Variants in ARAP1 observed in about 807,000 individuals in gnomAD.
ARAP1 encodes arf-GAP with Rho-GAP domain, ANK repeat and PH domain-containing protein 1.
Under a neutral mutation model 172.2 loss-of-function variants are expected in ARAP1, and 76 were observed. The observed-to-expected ratio is 0.44, with a 90% CI of 0.37 to 0.53. ARAP1 has a LOEUF of 0.53. Ranked by LOEUF, ARAP1 falls within the 20% of genes least tolerant of loss-of-function variation. The probability of loss-of-function intolerance (pLI) is 0.00; values close to 1 mark genes in which losing one functional copy is unlikely to be tolerated. For synonymous variants in ARAP1, 804 were observed against 803.3 expected, an observed-to-expected ratio of 1.00 and a Z score of -0.01; for missense variants, 1,686 against 1,977.5, an observed-to-expected ratio of 0.85 and a Z score of 2.80.
intron 1 of ARAP1, among the ~76,000 whole-genome samples, chr11:72,748,400 A>G (rs368675807): frequency 1.8e-4 from 27 of 152,032 alleles, no homozygotes; most frequent in Non-Finnish European, 3.5e-4. Flanking sequence ...CGTGCCTGTA[A>G]TCCCAGCTAC....
At chr11:72,694,405 C>T (rs10898864) in intron 27 of ARAP1, among the ~76,000 whole-genome samples, 38,534 of 151,404 alleles carry the variant, frequency 0.25, 5,058 homozygotes, top group South Asian at 0.29. Context: ...TCACTGCCCT[C>T]GTCTCCTTGA....
chr11:72,738,178 G>A (rs922768700), intron 1 of ARAP1, among the ~76,000 whole-genome samples: 4 of 152,204 alleles, frequency 2.6e-5, no homozygotes, highest in Non-Finnish European at 5.9e-5. Context: ...AAAGCCCAGG[G>A]ACAGAAAAGG....
At chr11:72,729,697 T>A (rs1049727069) in intron 2 of ARAP1, among the ~76,000 whole-genome samples, 1 of 151,982 alleles carries the variant, frequency 6.6e-6, no homozygotes, top group African/African-American at 2.4e-5. Context: ...GCAAGAGGAC[T>A]GCTTGAGGCC....
Position 72,685,613 on chromosome 11 carries a change from A to ACTT in ARAP1, c.*50_*51insAAG. 1 of 1,613,954 alleles carries ACTT rather than the reference A, an allele frequency of 6.2e-7. No homozygotes were observed. Among genetic ancestry groups the ACTT allele is most frequent in the East Asian group, 2.2e-5 (1 of 44,884 alleles). Reference sequence around the variant, plus strand: ...GCCTTGGAGCATAAGGGGTGTCTGAACAGAAGGCTTCCAGCGGCGGAATCC... The same window carrying ACTT: ...GCCTTGGAGCATAAGGGGTGTCTGAACTTCAGAAGGCTTCCAGCGGCGGAATCC... On this transcript the variant is annotated 3_prime_UTR_variant, in exon 35 of 35. Coordinates refer to ENST00000393609, the MANE Select transcript of ARAP1 (RefSeq NM_001040118.3).
chr11:72,717,830 G>T (rs192718984), intron 3 of ARAP1, among the ~76,000 whole-genome samples: 1 of 152,210 alleles, frequency 6.6e-6, no homozygotes, highest in Non-Finnish European at 1.5e-5. Context: ...TAGGTTATTT[G>T]TTCTTGGTGC....
Position 72,710,095 on chromosome 11 carries a change from A to G in ARAP1, c.1417-119T>C. On this transcript the variant is annotated intron_variant, in intron 10 of 34. Transcript: ENST00000393609. This position sits in a 1 kb window ranked among gnomAD's most constrained non-coding sequence, Gnocchi z 4.3. ...GGACTGGGGGGGGTGCCCAGGAGGGAGACAGCAGGGGACATGGGAGGCTGG... is the reference window on the plus strand; with the variant it reads ...GGACTGGGGGGGGTGCCCAGGAGGGGGACAGCAGGGGACATGGGAGGCTGG... The G allele has an allele frequency of 1.1e-6, 1 of 937,132 alleles. No individual in the cohort carries two copies. The highest frequency in any genetic ancestry group is 1.4e-5 in the South Asian group (1 of 73,576). 58.1% of individuals were successfully genotyped at this position (937,132 alleles called of 1,614,324 possible).
intron 2 of ARAP1, among the ~76,000 whole-genome samples, chr11:72,728,313 G>A (rs944399653): frequency 1.3e-5 from 2 of 152,176 alleles, no homozygotes; most frequent in African/African-American, 4.8e-5. Flanking sequence ...CAGACTGGCC[G>A]GGCACAACTA....
At chr11:72,701,093 G>C (rs1475911734) in intron 16 of ARAP1, among the ~76,000 whole-genome samples, 1 of 152,222 alleles carries the variant, frequency 6.6e-6, no homozygotes, top group Non-Finnish European at 1.5e-5. Flanking sequence ...AGACCTGACG[G>C]AAGTGAGGGA....
rs989442778 is a variant in ARAP1 at position 72,702,921 on chromosome 11, C to T, written c.2151G>A (p.Arg717=). The change falls in exon 15 of 35, where the codon CGG becomes CGA. Residue 717 remains arginine, a synonymous_variant. Transcript: ENST00000393609. The part of the protein sequence containing the change: ...AGQTLQMEFL[R]NNRTTEVPRL... ...CACGCTCACCTGTGGTCCGGTTGTT[C>T]CGAAGGAATTCCATCTGCAGCGTCT... 4.5e-6 allele frequency: 7 copies of T among 1,555,820 alleles called. No homozygotes were observed. The African/African-American group carries it at 8.2e-5, about 18-fold the overall frequency.
At chr11:72,696,916 G>A in intron 22 of ARAP1, 67 bp downstream of exon 22, 17 of 1,495,894 alleles carry the variant, frequency 1.1e-5, no homozygotes, top group Non-Finnish European at 1.5e-5. Flanking sequence ...TGCCACAAGG[G>A]AAGGGCGCAG....
chr11:72,703,613 C>T (rs571509862), intron 14 of ARAP1, among the ~76,000 whole-genome samples: 9 of 152,096 alleles, frequency 5.9e-5, no homozygotes, highest in South Asian at 2.1e-4. Flanking sequence ...CTGGGAGGGG[C>T]GGTTTGGGGG....
chr11:72,748,243 T>C (rs1565235301), intron 1 of ARAP1, among the ~76,000 whole-genome samples: 1 of 152,186 alleles, frequency 6.6e-6, no homozygotes, highest in Non-Finnish European at 1.5e-5. Flanking sequence ...ATTTGTTGAC[T>C]GGGCCCAGTG....
rs1856815555 is a variant in ARAP1, at chr11:72,707,311, A to T, written c.1587T>A (p.Ala529=). Residue 529 remains alanine, a synonymous_variant, in exon 12 of 35, where the codon GCT becomes GCA. Transcript: ENST00000393609. ...QWLEAMQGAI[A]EALSTSEVAE... is the part of the protein sequence containing the mutation. ...CCACCTCCGAGGTAGACAGGGCCTC[A>T]GCGATGGCTCCCTGCATGGCCTCCA... 1 of 1,613,662 alleles carries T rather than the reference A, an allele frequency of 6.2e-7. No homozygotes were observed. Among genetic ancestry groups the T allele is most frequent in the Non-Finnish European group, 8.5e-7 (1 of 1,179,964 alleles).
intron 33 of ARAP1, among the ~76,000 whole-genome samples, chr11:72,686,859 G>A (rs112843691): frequency 6.6e-6 from 1 of 151,872 alleles, no homozygotes; most frequent in African/African-American, 2.4e-5. Context: ...CCCCACCCCC[G>A]CCAGTGGTTC....
intron 1 of ARAP1, among the ~76,000 whole-genome samples, chr11:72,750,064 T>C (rs1858489329): frequency 6.6e-6 from 1 of 152,186 alleles, no homozygotes; most frequent in Admixed American, 6.5e-5. Flanking sequence ...CATGGCCATA[T>C]CTGCTCCAGC....
chr11:72,731,095 T>C lies in ARAP1; in HGVS notation c.-45+1420A>G, dbSNP rs117308310. Among the ~76,000 whole-genome samples, 87 of 152,232 alleles carry C rather than the reference T, an allele frequency of 5.7e-4. No individual in the cohort carries two copies. In the East Asian group the frequency reaches 0.015, roughly 26 times the overall value. On this transcript the variant is annotated intron_variant, in intron 2 of 34. Coordinates refer to ENST00000393609, the MANE Select transcript of ARAP1 (RefSeq NM_001040118.3). ...AACAAAGTATCTCTGAAAAGACACA[T>C]GAGGGCAAGGTGACAACAGTTATCA...
Position 72,697,071 on chromosome 11 carries a change from A to G in ARAP1, c.3078T>C (p.Asp1026=). 6.2e-7 allele frequency: 1 copy of G among 1,610,274 alleles called. No homozygotes were observed. The highest frequency in any genetic ancestry group is 8.5e-7 in the Non-Finnish European group (1 of 1,179,930). The change falls in exon 22 of 35, where the codon GAT becomes GAC. Residue 1026 remains aspartate, a synonymous_variant. Transcript: ENST00000393609. ...GGAAGCGCTTGAGCGCCGAGGAAAC[A>G]TCATCCACGTGCTGCTCGCCCTCCT... ...HLKEGEQHVD[D]VSSALKRFLR... is the part of the protein sequence containing the mutation.
At chr11:72,706,294 T>C (rs1471989308) in intron 12 of ARAP1, among the ~76,000 whole-genome samples, 1 of 152,154 alleles carries the variant, frequency 6.6e-6, no homozygotes, top group Non-Finnish European at 1.5e-5. Flanking sequence ...CTACCCAGAC[T>C]GTCATCACCC....
chr11:72,707,178 C>A lies in ARAP1; in HGVS notation c.1720G>T (p.Ala574Ser). 1 of 1,586,628 alleles carries A rather than the reference C, an allele frequency of 6.3e-7. No homozygotes were observed. Residue 574 changes from alanine to serine, a missense_variant, in exon 12 of 35, where the codon GCA (alanine) becomes TCA (serine). Transcript: ENST00000393609. ...GCCCCGACCCCCATGCACACACCTG[C>A]ACAGCGCTTGCAGATAACAACACAG... ...NLCVVICKRC[A>S]GEHRGLGAGV... is the part of the protein sequence containing the mutation.
Sources: gnomAD v4.1 joint callset for allele counts (sites outside exome capture counted in the v4.1 genomes callset) on GRCh38, gnomAD v4.1.1 for gene constraint, Gnocchi (gnomAD v3.1) non-coding constraint, MANE v1.5 for transcripts, NCBI Gene and HGNC (gene_info 2026-07-23, HGNC 2026-07-21) for gene names.